The following GCKR variants were observed in gnomAD, a reference collection of about 807,000 sequenced individuals.
GCKR encodes glucokinase regulator, also known as glucokinase regulatory protein.
Under a neutral mutation model 82.9 loss-of-function variants are expected in GCKR, and 73 were observed. The ratio of observed to expected loss-of-function variants is 0.88; its 90% CI spans 0.73 to 1.07. The LOEUF (loss-of-function observed/expected upper bound fraction) is 1.07. Ranked by LOEUF, GCKR falls within the 50% of genes least tolerant of loss-of-function variation. The pLI is 0.00. For missense variants in GCKR, 784 were observed against 782.1 expected (o/e 1.00, Z -0.03); for synonymous variants, 294 against 291.8 (o/e 1.01, Z -0.08).
intron 3 of GCKR, 151 bp downstream of exon 3, chr2:27,497,781 A>C: frequency 1.5e-6 from 1 of 662,332 alleles, no homozygotes; most frequent in Non-Finnish European, 2.7e-6. Context: ...CTTATTAATA[A>C]ATAATAATGA....
intron 8 of GCKR, 107 bp from the exon 9 acceptor site, chr2:27,503,407 C>T: frequency 2.7e-6 from 2 of 732,336 alleles, no homozygotes; most frequent in East Asian, 2.6e-5. Flanking sequence ...AAGTTGTTGA[C>T]CTCTGACCTC....
chr2:27,503,475 A>G, intron 8 of GCKR, 39 bp from the exon 9 acceptor site: 1 of 1,097,012 alleles, frequency 9.1e-7, no homozygotes, highest in Admixed American at 1.7e-5. Flanking sequence ...TGAGATCCTC[A>G]TAGACAATCT....
chr2:27,508,730 C>G (rs948278161), intron 16 of GCKR, among the ~76,000 whole-genome samples: 1 of 152,096 alleles, frequency 6.6e-6, no homozygotes, highest in Non-Finnish European at 1.5e-5. Flanking sequence ...CCAGGCTGGT[C>G]TCGAACTCCT....
rs1488936877 is a variant in GCKR at position 27,501,211 on chromosome 2, A to G, written c.626A>G (p.Asn209Ser). ...TTCTTGCCAGTCCTGGTTGGCTTCA[A>G]TCCAGTGAGCATGGCCAGGTGAGCC... is the stretch of plus-strand genomic sequence containing the variant. ...AVFLPVLVGF[N>S]PVSMARNDPI... is the part of the protein sequence containing the mutation. Residue 209 changes from asparagine (N) to serine (S), a missense_variant, in exon 8 of 19, where the codon AAT becomes AGT. Transcript: ENST00000264717. The G allele has an allele frequency of 2.5e-6, 4 of 1,613,052 alleles. No individual in the cohort carries two copies. The highest frequency in any genetic ancestry group is 3.4e-6 in the Non-Finnish European group (4 of 1,179,062).
In GCKR at chr2:27,505,845, G is replaced by A; in HGVS notation, c.869+9G>A. 1 of 1,387,842 alleles carries A rather than the reference G, an allele frequency of 7.2e-7. No individual in the cohort carries two copies. Among genetic ancestry groups the A allele is most frequent in the Non-Finnish European group, 1.0e-6 (1 of 973,318 alleles). 86.0% of individuals were successfully genotyped at this position (1,387,842 alleles called of 1,614,324 possible). On this transcript the variant is annotated intron_variant, in intron 10 of 18. Coordinates refer to ENST00000264717, the MANE Select transcript of GCKR (RefSeq NM_001486.4). ...ATTGCAGCATCTCAAAGGTAGGGAG[G>A]ATCTGGATAAGAGAGAGCTCAGAGT... is the stretch of plus-strand genomic sequence containing the variant.
At chr2:27,504,864 C>G (rs1280147336) in intron 9 of GCKR, among the ~76,000 whole-genome samples, 1 of 151,862 alleles carries the variant, frequency 6.6e-6, no homozygotes, top group Non-Finnish European at 1.5e-5. Context: ...TAGTGGCTCA[C>G]GCCTGTAATC....
chr2:27,503,769 C>G (rs886354269), intron 9 of GCKR, 150 bp downstream of exon 9: 7 of 662,596 alleles, frequency 1.1e-5, no homozygotes, highest in African/African-American at 1.8e-5. Context: ...AAACCAAATC[C>G]TATTTTCCCA....
intron 14 of GCKR, 96 bp from the exon 15 acceptor site, chr2:27,507,881 G>A (rs904843766): frequency 1.8e-6 from 2 of 1,129,980 alleles, no homozygotes; most frequent in Admixed American, 3.5e-5. Flanking sequence ...CAGAGGGAGG[G>A]ACGGGGTGAA....
intron 1 of GCKR, 83 bp from the exon 2 acceptor site, chr2:27,497,161 C>T: frequency 1.3e-6 from 2 of 1,526,028 alleles, no homozygotes; most frequent in Non-Finnish European, 9.1e-7. Context: ...AACTCTGTGC[C>T]TGCTGCCACT....
Position 27,508,975 on chromosome 2 carries a change from T to G in GCKR, c.1422+724T>G, listed in dbSNP as rs956757523. ...AATTATAATCCAGCACAAATACTGATAATAATTACAGAAATAATAATCAGT... is the reference window on the plus strand; with the variant it reads ...AATTATAATCCAGCACAAATACTGAGAATAATTACAGAAATAATAATCAGT... On this transcript the variant is annotated intron_variant, in intron 16 of 18. Transcript: ENST00000264717. Among the ~76,000 whole-genome samples the G allele has an allele frequency of 3.9e-5, 6 of 152,106 alleles. 1 individual carries two copies. Among genetic ancestry groups the G allele is most frequent in the Admixed American group, 3.9e-4 (6 of 15,264 alleles).
At chr2:27,505,566 C>A in intron 9 of GCKR, 152 bp from the exon 10 acceptor site, 2 of 677,612 alleles carry the variant, frequency 3.0e-6, no homozygotes, top group Non-Finnish European at 2.7e-6. Context: ...TCTTTCTAAT[C>A]TTCCTCTCGG....
chr2:27,517,214 A>G (rs913991827), intron 16 of GCKR, among the ~76,000 whole-genome samples: 2 of 152,108 alleles, frequency 1.3e-5, no homozygotes, highest in East Asian at 1.9e-4. Context: ...GGGTTTCACC[A>G]TGTTAGCCAG....
Position 27,523,547 on chromosome 2 carries a change from C to A in GCKR, c.*108C>A. ...CATGTGGGAGGAAGAAGCCCCGTTT[C>A]CAGGGCATCCGCAGCCCAGGGTAGG... On this transcript the variant is annotated 3_prime_UTR_variant, in exon 19 of 19. Coordinates refer to ENST00000264717, the MANE Select transcript of GCKR (RefSeq NM_001486.4). The A allele has an allele frequency of 9.0e-7, 1 of 1,116,446 alleles. No homozygotes were observed. The highest frequency in any genetic ancestry group is 1.3e-6 in the Non-Finnish European group (1 of 749,874). 69.2% of individuals were successfully genotyped at this position (1,116,446 alleles called of 1,614,324 possible). A position where few individuals can be genotyped will look rare whatever the true frequency, so the allele number is the denominator to read the frequency against.
chr2:27,497,112 G>A, intron 1 of GCKR, 132 bp from the exon 2 acceptor site: 1 of 1,253,832 alleles, frequency 8.0e-7, no homozygotes, highest in Non-Finnish European at 1.2e-6. Flanking sequence ...TGCAGGCTGA[G>A]TTTCTGGTGT....
intron 1 of GCKR, 124 bp from the exon 2 acceptor site, chr2:27,497,120 T>C: frequency 6.4e-6 from 8 of 1,245,290 alleles, no homozygotes; most frequent in Non-Finnish European, 9.5e-6. Context: ...GAGTTTCTGG[T>C]GTGGTATGTG....
At chr2:27,506,409 C>G (rs115218573) in intron 10 of GCKR, 72 bp from the exon 11 acceptor site, 206 of 991,818 alleles carry the variant, frequency 2.1e-4, no homozygotes, top group Non-Finnish European at 3.0e-4. Context: ...TTCACCTCCC[C>G]GCTCAGGGAG....
chr2:27,497,891 C>T (rs1413360697), intron 3 of GCKR, among the ~76,000 whole-genome samples: 1 of 152,192 alleles, frequency 6.6e-6, no homozygotes, highest in Non-Finnish European at 1.5e-5. Context: ...TTGTTTTCCT[C>T]AGATGAAAAA....
chr2:27,514,634 A>C (rs981818739), intron 16 of GCKR, among the ~76,000 whole-genome samples: 5 of 152,214 alleles, frequency 3.3e-5, no homozygotes, highest in African/African-American at 1.2e-4. Flanking sequence ...TACTCAGGCA[A>C]TCTCCTATGT....
At position 27,506,836 on chromosome 2, in the gene GCKR, C is replaced by T; in HGVS notation, c.1017C>T (p.Gly339=). 2 of 1,613,368 alleles carry T rather than the reference C, an allele frequency of 1.2e-6. No individual in the cohort carries two copies. Among genetic ancestry groups the T allele is most frequent in the Middle Eastern group, 1.7e-4 (1 of 6,060 alleles). ...ACCTGGTTGGCTGGCAGACCCTGGG[C>T]ATCATTGCCATCATGGATGGAGTAG... ...HVYLVGWQTL[G]IIAIMDGVEC... Residue 339 remains glycine, a synonymous_variant, in exon 12 of 19, where the codon GGC becomes GGT. Coordinates refer to ENST00000264717, the MANE Select transcript of GCKR (RefSeq NM_001486.4).
Sources: gnomAD v4.1 joint callset for allele counts (sites outside exome capture counted in the v4.1 genomes callset) on GRCh38, gnomAD v4.1.1 for gene constraint, MANE v1.5 for transcripts, NCBI Gene and HGNC (gene_info 2026-07-23, HGNC 2026-07-21) for gene names.